MALRD1: variants seen among roughly 807,000 people sequenced by gnomAD.
MALRD1 encodes MAM and LDL-receptor class A domain-containing protein 1.
MALRD1 carries 247 observed loss-of-function variants against 242.1 expected under a neutral mutation model. The ratio of observed to expected loss-of-function variants is 1.02; its 90% confidence interval spans 0.92 to 1.13. The LOEUF is 1.13. Ranked by LOEUF, MALRD1 falls within the 50% of genes most tolerant of loss-of-function variation. MALRD1 has a pLI of 0.00. For missense variants in MALRD1, 2,989 were observed against 2,533.1 expected (o/e 1.18, Z -3.86); for synonymous variants, 995 against 866.6 (o/e 1.15, Z -2.60).
At chr10:19,288,141 A>G (rs978030904) in intron 21 of MALRD1, among the ~76,000 whole-genome samples, 3 of 152,056 alleles carry the variant, frequency 2.0e-5, no homozygotes, top group South Asian at 2.1e-4. Flanking sequence ...CAGTGGCTCA[A>G]TCTCAGCTCA....
At chr10:19,376,035 T>C (rs956491640) in intron 26 of MALRD1, among the ~76,000 whole-genome samples, 1 of 152,148 alleles carries the variant, frequency 6.6e-6, no homozygotes, top group African/African-American at 2.4e-5. Context: ...GGCAGGGGAA[T>C]TGGTTGAACC....
intron 11 of MALRD1, among the ~76,000 whole-genome samples, chr10:19,154,297 G>T (rs1286148597): frequency 6.6e-6 from 1 of 152,102 alleles, no homozygotes; most frequent in African/African-American, 2.4e-5. Flanking sequence ...TTTCCTTTGT[G>T]TGCAGTCGGC....
At chr10:19,392,628 C>T (rs532464519) in intron 28 of MALRD1, among the ~76,000 whole-genome samples, 1 of 152,152 alleles carries the variant, frequency 6.6e-6, no homozygotes, top group East Asian at 1.9e-4. Context: ...ATGAGAATTG[C>T]TTTTCATTAG....
At position 19,649,048 on chromosome 10, in the gene MALRD1, C is replaced by T. The variant is rs184768538; in HGVS notation, c.6137+33125C>T. Among the ~76,000 whole-genome samples the T allele has an allele frequency of 1.5e-3, 228 of 152,268 alleles. 2 individuals are homozygous for T. Among genetic ancestry groups the T allele is most frequent in the Middle Eastern group, 3.4e-3 (1 of 294 alleles). ...GGATGATAGCCTCCAGCTCCATCCA[C>T]GATCCCACAAAAGATATGATCTTGT... is the stretch of plus-strand genomic sequence containing the variant. On this transcript the variant is annotated intron_variant, in intron 36 of 39. Coordinates refer to ENST00000454679, the MANE Select transcript of MALRD1 (RefSeq NM_001142308.3).
chr10:19,142,646 A>G (rs1564419586), intron 10 of MALRD1, among the ~76,000 whole-genome samples: 4 of 152,228 alleles, frequency 2.6e-5, no homozygotes, highest in Admixed American at 2.0e-4. Context: ...TTCTGTAATC[A>G]CAGAAAGTTA....
intron 26 of MALRD1, among the ~76,000 whole-genome samples, chr10:19,373,203 C>CAAAAAA (rs374095193): frequency 6.1e-5 from 7 of 114,852 alleles, no homozygotes; most frequent in Admixed American, 1.8e-4. Flanking sequence ...ACGCTAAATA[C>CAAAAAA]AAAAAAAAAA....
At chr10:19,490,509 G>GGC (rs1554783748) in intron 29 of MALRD1, among the ~76,000 whole-genome samples, 4 of 74,178 alleles carry the variant, frequency 5.4e-5, no homozygotes, top group Admixed American at 1.3e-4. Flanking sequence ...AGTGGGGCGG[G>GGC]GGGGGGGCAG....
chr10:19,340,812 TTAAA>T (rs1164847898), intron 24 of MALRD1, among the ~76,000 whole-genome samples: 1 of 152,112 alleles, frequency 6.6e-6, no homozygotes, highest in African/African-American at 2.4e-5. Context: ...TTTAGCATTG[TTAAA>T]TAATTAAACT....
At chr10:19,591,128 G>C (rs1266155219) in intron 33 of MALRD1, among the ~76,000 whole-genome samples, 3 of 152,042 alleles carry the variant, frequency 2.0e-5, no homozygotes, top group Admixed American at 6.6e-5. Flanking sequence ...GCCTTTTCTA[G>C]AATGTCATAT....
chr10:19,681,472 T>C (rs760084313), intron 36 of MALRD1, among the ~76,000 whole-genome samples: 2 of 152,126 alleles, frequency 1.3e-5, no homozygotes, highest in Admixed American at 1.3e-4. Flanking sequence ...GCGATTGCAT[T>C]GTGACATTCT....
intron 1 of MALRD1, among the ~76,000 whole-genome samples, chr10:19,064,410 G>A (rs1834909537): frequency 6.6e-6 from 1 of 151,922 alleles, no homozygotes; most frequent in South Asian, 2.1e-4. Flanking sequence ...TATTCAAATT[G>A]TTTAAAATGT....
At chr10:19,348,342 T>C (rs1407521707) in intron 25 of MALRD1, among the ~76,000 whole-genome samples, 1 of 152,122 alleles carries the variant, frequency 6.6e-6, no homozygotes. Flanking sequence ...TTAAGAAGCT[T>C]AGTACTTATT....
chr10:19,460,444 CA>C (rs1376623829), intron 29 of MALRD1, among the ~76,000 whole-genome samples: 1 of 68,652 alleles, frequency 1.5e-5, no homozygotes, highest in African/African-American at 4.6e-5. Flanking sequence ...CACATACGCA[CA>C]CACAGATTTT....
At chr10:19,259,607 A>G (rs1336918419) in intron 19 of MALRD1, among the ~76,000 whole-genome samples, 3 of 152,110 alleles carry the variant, frequency 2.0e-5, no homozygotes, top group African/African-American at 7.2e-5. Flanking sequence ...TTACCTCTCA[A>G]TGGGTCCCTT....
intron 18 of MALRD1, among the ~76,000 whole-genome samples, chr10:19,210,280 G>A (rs1346009922): frequency 6.6e-6 from 1 of 152,118 alleles, no homozygotes; most frequent in African/African-American, 2.4e-5. Flanking sequence ...TTATCTATCT[G>A]ATTCTCTCAG....
At chr10:19,389,656 T>C in intron 28 of MALRD1, 47 bp downstream of exon 28, 3 of 1,522,928 alleles carry the variant, frequency 2.0e-6, no homozygotes, top group Non-Finnish European at 1.8e-6. Flanking sequence ...TGTTCTGTTT[T>C]AGAGACAGGG....
At chr10:19,236,713 G>A (rs1330794532) in intron 18 of MALRD1, among the ~76,000 whole-genome samples, 1 of 152,094 alleles carries the variant, frequency 6.6e-6, no homozygotes, top group Admixed American at 6.6e-5. Context: ...AGATTCAGCT[G>A]TAATTTTCCA....
chr10:19,576,357 C>T (rs1171769168), intron 33 of MALRD1, among the ~76,000 whole-genome samples: 1 of 152,190 alleles, frequency 6.6e-6, no homozygotes, highest in Admixed American at 6.5e-5. Flanking sequence ...ACACAACATG[C>T]ATCTCTGGAT....
intron 18 of MALRD1, among the ~76,000 whole-genome samples, chr10:19,245,918 A>G (rs936383393): frequency 6.6e-6 from 1 of 152,184 alleles, no homozygotes; most frequent in Non-Finnish European, 1.5e-5. Context: ...TTATCTCCTA[A>G]ATAGCATCAA....
Sources: gnomAD v4.1 joint callset for allele counts (sites outside exome capture counted in the v4.1 genomes callset) on GRCh38, gnomAD v4.1.1 for gene constraint, MANE v1.5 for transcripts, NCBI Gene and HGNC (gene_info 2026-07-23, HGNC 2026-07-21) for gene names.